The following ACTR3C variants were observed in gnomAD, a reference collection of about 807,000 sequenced individuals.
ACTR3C encodes the protein actin-related protein 3C.
ACTR3C carries 18 observed loss-of-function variants against 26.3 expected under a neutral mutation model. That is an observed-to-expected ratio of 0.68 (90% CI 0.47 to 1.01). ACTR3C has a LOEUF of 1.01. Among genes scored for constraint, ACTR3C ranks in the 50% least tolerant of loss-of-function variants. The pLI is 0.00. For missense variants in ACTR3C, 184 were observed against 250.7 expected, an observed-to-expected ratio of 0.73 and a Z score of 1.80; for synonymous variants, 55 against 94.5, an observed-to-expected ratio of 0.58 and a Z score of 2.42.
the ACTR3C span, chr7:150,047,720 GC>G: frequency 8.1e-7 from 1 of 1,232,042 alleles, no homozygotes; most frequent in South Asian, 2.2e-5. Context: ...GCGCCCGCGG[GC>G]CGAGGGGCTT....
the ACTR3C span, among the ~76,000 whole-genome samples, chr7:149,920,130 C>T: frequency 6.6e-6 from 1 of 152,212 alleles, no homozygotes; most frequent in African/African-American, 2.4e-5. Flanking sequence ...ATTTCTGGAG[C>T]CCTCACTGAT....
At chr7:150,250,769 G>A (rs553161622) in intron 6 of ACTR3C, among the ~76,000 whole-genome samples, 2 of 151,986 alleles carry the variant, frequency 1.3e-5, no homozygotes, top group East Asian at 3.9e-4. Flanking sequence ...AGAAGACTGC[G>A]GGAGAGCAAG....
At chr7:150,147,313 T>C in the ACTR3C span, among the ~76,000 whole-genome samples, 2 of 152,104 alleles carry the variant, frequency 1.3e-5, no homozygotes, top group African/African-American at 4.8e-5. Flanking sequence ...TATCTTTTTA[T>C]ACCAACAACA....
chr7:150,288,647 G>A, intron 4 of ACTR3C, among the ~76,000 whole-genome samples: 1 of 148,910 alleles, frequency 6.7e-6, no homozygotes, highest in East Asian at 2.0e-4. Flanking sequence ...GAAAGGAGAA[G>A]GTAACCCCTT....
At chr7:150,240,702 T>G (rs1172505806), downstream of ACTR3C, among the ~76,000 whole-genome samples, 1 of 152,198 alleles carries the variant, frequency 6.6e-6, no homozygotes, top group East Asian at 1.9e-4. Context: ...CTTAACGTGA[T>G]GCTAGATGTC....
At chr7:150,128,988 G>T in the ACTR3C span, among the ~76,000 whole-genome samples, 1 of 150,774 alleles carries the variant, frequency 6.6e-6, no homozygotes, top group African/African-American at 2.4e-5. Context: ...AGTTCCAGGA[G>T]TTCGGTAAAG....
intron 6 of ACTR3C, among the ~76,000 whole-genome samples, chr7:150,259,141 T>TCC (rs1833444260): frequency 6.6e-6 from 1 of 151,912 alleles, no homozygotes; most frequent in Non-Finnish European, 1.5e-5. Context: ...TTTTCCCTAA[T>TCC]AAGTCCTTTA....
chr7:149,906,385 T>C, the ACTR3C span, among the ~76,000 whole-genome samples: 1 of 149,804 alleles, frequency 6.7e-6, no homozygotes, highest in Non-Finnish European at 1.5e-5. Context: ...GGTGAGTCCA[T>C]GGGGTTTTTG....
chr7:150,013,861 G>A, the ACTR3C span, among the ~76,000 whole-genome samples: 2 of 152,220 alleles, frequency 1.3e-5, no homozygotes, highest in Admixed American at 1.3e-4. Context: ...TCAGAGGTGG[G>A]TAGGGAGGAT....
the ACTR3C span, among the ~76,000 whole-genome samples, chr7:150,069,908 T>C: frequency 1.3e-5 from 2 of 152,066 alleles, no homozygotes; most frequent in African/African-American, 2.4e-5. Flanking sequence ...GGTTTTCCTA[T>C]GGCTGGGAGT....
At chr7:149,927,067 T>TTC in the ACTR3C span, among the ~76,000 whole-genome samples, 1 of 149,938 alleles carries the variant, frequency 6.7e-6, no homozygotes, top group South Asian at 2.1e-4. Context: ...CAAATAAACT[T>TTC]TTTTTTTTCT....
chr7:149,885,610 G>A, the ACTR3C span, among the ~76,000 whole-genome samples: 1 of 152,260 alleles, frequency 6.6e-6, no homozygotes. Context: ...AGGATTAAGG[G>A]CCATGATAGC....
the ACTR3C span, among the ~76,000 whole-genome samples, chr7:149,955,010 G>A: frequency 1.3e-5 from 2 of 152,150 alleles, no homozygotes; most frequent in Non-Finnish European, 2.9e-5. Flanking sequence ...TTAAATCCAG[G>A]TATACACTAA....
chr7:149,914,094 G>A, the ACTR3C span, among the ~76,000 whole-genome samples: 2 of 151,150 alleles, frequency 1.3e-5, no homozygotes, highest in Non-Finnish European at 2.9e-5. Flanking sequence ...TTCCTATGTT[G>A]CCCAGATTGG....
the ACTR3C span, among the ~76,000 whole-genome samples, chr7:150,006,357 T>A: frequency 6.7e-6 from 1 of 150,262 alleles, no homozygotes; most frequent in Admixed American, 6.6e-5. Flanking sequence ...CCACCACGCC[T>A]GGCTAATTTT....
At chr7:150,243,742 CG>C (rs1233087088), downstream of ACTR3C, among the ~76,000 whole-genome samples, 1 of 151,808 alleles carries the variant, frequency 6.6e-6, no homozygotes, top group Non-Finnish European at 1.5e-5. Context: ...GTTGTTATGC[CG>C]GATTGTTTAG....
chr7:150,033,301 G>A, the ACTR3C span, among the ~76,000 whole-genome samples: 5 of 152,228 alleles, frequency 3.3e-5, no homozygotes, highest in East Asian at 9.6e-4. Flanking sequence ...ATCTCTTCCT[G>A]GGCTTTGCGT....
chr7:150,082,943 T>C, the ACTR3C span, among the ~76,000 whole-genome samples: 1 of 99,554 alleles, frequency 1.0e-5, no homozygotes, highest in African/African-American at 4.3e-5. Flanking sequence ...TCTTTTTTTT[T>C]TTTCTTTTTT....
intron 1 of ACTR3C, among the ~76,000 whole-genome samples, chr7:150,307,131 G>A (rs773737561): frequency 2.0e-5 from 3 of 152,346 alleles, no homozygotes; most frequent in African/African-American, 4.8e-5. Flanking sequence ...TGACACAGTC[G>A]TCAGGAGACC....
Sources: gnomAD v4.1 joint callset for allele counts (sites outside exome capture counted in the v4.1 genomes callset) on GRCh38, gnomAD v4.1.1 for gene constraint, MANE v1.5 for transcripts, NCBI Gene and HGNC (gene_info 2026-07-23, HGNC 2026-07-21) for gene names.